Variants in MBTPS1 observed in about 807,000 individuals in gnomAD.
The protein encoded by MBTPS1 is membrane bound transcription factor peptidase, site 1, also known as membrane-bound transcription factor site-1 protease.
A neutral mutation model predicts 127.8 loss-of-function variants in MBTPS1; 94 were observed. That is an observed-to-expected ratio of 0.74 (90% CI 0.62 to 0.87). MBTPS1 has a LOEUF of 0.87. Among genes scored for constraint, MBTPS1 ranks in the 40% least tolerant of loss-of-function variants. The pLI, the probability that MBTPS1 is intolerant of heterozygous loss-of-function variation, is 0.00. For synonymous variants in MBTPS1, 632 were observed against 509.4 expected (o/e 1.24, Z -3.24); for missense variants, 1,636 against 1,353.2 (o/e 1.21, Z -3.28).
In MBTPS1 at chr16:84,093,290, G is replaced by T; in HGVS notation, c.744C>A (p.Gly248=). Residue 248 remains glycine (G), a synonymous_variant, in exon 6 of 23, where the codon GGC becomes GGA. Transcript: ENST00000343411. ...TNERTLDDGL[G]HGTFVAGVIA... is the part of the protein sequence containing the mutation. ...TCACACCTGCCACGAATGTGCCATG[G>T]CCCAACCCTGCAGTCCATAAAGAAA... The T allele has an allele frequency of 6.2e-7, 1 of 1,605,946 alleles. No individual in the cohort carries two copies. The highest frequency in any genetic ancestry group is 8.5e-7 in the Non-Finnish European group (1 of 1,172,608).
chr16:84,078,654 G>A (rs1409109625), intron 11 of MBTPS1, among the ~76,000 whole-genome samples: 1 of 152,208 alleles, frequency 6.6e-6, no homozygotes, highest in African/African-American at 2.4e-5. Flanking sequence ...CAACTTAAAA[G>A]CCCATATGTA....
intron 12 of MBTPS1, among the ~76,000 whole-genome samples, chr16:84,071,300 A>T (rs1403374726): frequency 6.6e-6 from 1 of 152,236 alleles, no homozygotes; most frequent in African/African-American, 2.4e-5. Flanking sequence ...AGAAAAGCAG[A>T]AAGGGAAGCG....
intron 1 of MBTPS1, among the ~76,000 whole-genome samples, chr16:84,103,347 T>C (rs1290254217): frequency 6.6e-6 from 1 of 151,426 alleles, no homozygotes; most frequent in East Asian, 1.9e-4. Context: ...CAGCCTCAAC[T>C]TCCTGGGCTC....
Position 84,067,757 on chromosome 16 carries a change from T to C in MBTPS1, c.2138A>G (p.Asp713Gly). ...FPEEIAKLRRDVDNGLSLVIF... is the reference protein window; with the variant it reads ...FPEEIAKLRRGVDNGLSLVIF... ...GACGAGCGAGAGGCCGTTGTCCACG[T>C]CCCTCCGGAGCTTGGCGATCTCTTC... The change falls in exon 16 of 23, where the codon GAC becomes GGC. Residue 713 changes from aspartate to glycine, a missense_variant. Transcript: ENST00000343411. The C allele has an allele frequency of 6.2e-7, 1 of 1,614,080 alleles. No homozygotes were observed. The highest frequency in any genetic ancestry group is 8.5e-7 in the Non-Finnish European group (1 of 1,179,906).
chr16:84,092,961 C>T (rs1012937242), intron 6 of MBTPS1, among the ~76,000 whole-genome samples: 1 of 152,170 alleles, frequency 6.6e-6, no homozygotes, highest in African/African-American at 2.4e-5. Flanking sequence ...GTAGTAGCCT[C>T]GGCAGGGTCT....
chr16:84,055,539 C>T (rs922164453), intron 22 of MBTPS1, among the ~76,000 whole-genome samples: 3 of 152,188 alleles, frequency 2.0e-5, no homozygotes, highest in Admixed American at 6.5e-5. Context: ...ACCTAAGGGA[C>T]ACACCCCAGC....
chr16:84,071,098 T>C (rs73249027), intron 12 of MBTPS1, among the ~76,000 whole-genome samples: 9,319 of 152,284 alleles, frequency 0.061, 529 homozygotes, highest in African/African-American at 0.15. Flanking sequence ...AGAGAACTTA[T>C]ATAGATGAAA....
At chr16:84,060,922 C>T in intron 19 of MBTPS1, 109 bp from the exon 20 acceptor site, 2 of 1,076,666 alleles carry the variant, frequency 1.9e-6, no homozygotes, top group African/African-American at 1.6e-5. Context: ...CAGCCTTGAG[C>T]TCCTGGGCTC....
chr16:84,108,779 G>T (rs1469997006), intron 1 of MBTPS1, among the ~76,000 whole-genome samples: 1 of 152,200 alleles, frequency 6.6e-6, no homozygotes, highest in Non-Finnish European at 1.5e-5. Flanking sequence ...GCACCAGGCA[G>T]GCAGTGGGGT....
At chr16:84,073,106 G>A (rs1044938353) in intron 12 of MBTPS1, among the ~76,000 whole-genome samples, 4 of 152,130 alleles carry the variant, frequency 2.6e-5, no homozygotes, top group African/African-American at 4.8e-5. Context: ...CAACCATTAA[G>A]AAGTATACTG....
intron 11 of MBTPS1, 34 bp from the exon 12 acceptor site, chr16:84,074,775 T>C: frequency 6.3e-7 from 1 of 1,588,632 alleles, no homozygotes; most frequent in Non-Finnish European, 8.6e-7. Flanking sequence ...GAGTAGATCA[T>C]ATGAGAAAAC....
At chr16:84,072,337 G>C (rs558752282) in intron 12 of MBTPS1, among the ~76,000 whole-genome samples, 1 of 152,196 alleles carries the variant, frequency 6.6e-6, no homozygotes, top group African/African-American at 2.4e-5. Flanking sequence ...GGCTGATAAT[G>C]GGTATAAGGT....
intron 12 of MBTPS1, among the ~76,000 whole-genome samples, chr16:84,073,175 C>G (rs1459937846): frequency 1.3e-5 from 2 of 152,196 alleles, no homozygotes; most frequent in African/African-American, 4.8e-5. Flanking sequence ...TGCTCTGTCA[C>G]CAGGTTGGAG....
At chr16:84,093,336 G>A (rs1486713850) in intron 5 of MBTPS1, 39 bp from the exon 6 acceptor site, 3 of 1,332,244 alleles carry the variant, frequency 2.3e-6, no homozygotes, top group African/African-American at 2.9e-5. Flanking sequence ...AAAACACACT[G>A]AATAGCAAGT....
chr16:84,074,791 T>C (rs2085828702), intron 11 of MBTPS1, 50 bp from the exon 12 acceptor site: 1 of 1,527,798 alleles, frequency 6.5e-7, no homozygotes, highest in Non-Finnish European at 9.0e-7. Flanking sequence ...AAAACTACAA[T>C]GAAGCAACAC....
At chr16:84,092,576 G>A (rs534719364) in intron 6 of MBTPS1, among the ~76,000 whole-genome samples, 1 of 152,142 alleles carries the variant, frequency 6.6e-6, no homozygotes, top group East Asian at 1.9e-4. Flanking sequence ...TGCTGGACGG[G>A]GACAGGGGTG....
At chr16:84,062,547 C>G (rs1167353891) in intron 19 of MBTPS1, among the ~76,000 whole-genome samples, 1 of 152,244 alleles carries the variant, frequency 6.6e-6, no homozygotes, top group Non-Finnish European at 1.5e-5. Flanking sequence ...GTGCCTCATT[C>G]TTGTCACTCA....
Position 84,106,977 on chromosome 16 carries a change from G to C in MBTPS1, c.-324-4870C>G, listed in dbSNP as rs535522786. Among the ~76,000 whole-genome samples, 9 of 152,308 alleles carry C rather than the reference G, an allele frequency of 5.9e-5. No individual in the cohort carries two copies. The South Asian group carries it at 1.9e-3, about 32-fold the overall frequency. Reference sequence around the variant, plus strand: ...GGTGCTTGCCCCTAATTGAGATGGGGAAGACAGCAGGAAAGCTGACTTGGG... The same window carrying C: ...GGTGCTTGCCCCTAATTGAGATGGGCAAGACAGCAGGAAAGCTGACTTGGG... On this transcript the variant is annotated intron_variant, in intron 1 of 22. Coordinates refer to ENST00000343411, the MANE Select transcript of MBTPS1 (RefSeq NM_003791.4).
intron 1 of MBTPS1, among the ~76,000 whole-genome samples, chr16:84,115,890 G>T (rs1251397317): frequency 1.3e-5 from 2 of 151,662 alleles, no homozygotes; most frequent in Admixed American, 6.6e-5. Context: ...CTACTTCAAT[G>T]AAGCTCTTAC....
Sources: gnomAD v4.1 joint callset for allele counts (sites outside exome capture counted in the v4.1 genomes callset) on GRCh38, gnomAD v4.1.1 for gene constraint, MANE v1.5 for transcripts, NCBI Gene and HGNC (gene_info 2026-07-23, HGNC 2026-07-21) for gene names.